Variants in NELL1 observed in about 807,000 individuals in gnomAD.
NELL1 encodes the protein protein kinase C-binding protein NELL1.
Under a neutral mutation model 107.4 loss-of-function variants are expected in NELL1, and 76 were observed. That is an observed-to-expected ratio of 0.71 (90% CI 0.59 to 0.86). The LOEUF (loss-of-function observed/expected upper bound fraction) is 0.86, where lower values mean the gene tolerates loss of function less well. Among genes scored for constraint, NELL1 ranks in the 40% least tolerant of loss-of-function variants. NELL1 has a pLI of 0.00. For missense variants in NELL1, 1,024 were observed against 1,005.5 expected, an observed-to-expected ratio of 1.02 and a Z score of -0.25; for synonymous variants, 353 against 341.2, an observed-to-expected ratio of 1.03 and a Z score of -0.38.
Position 20,688,894 on chromosome 11 carries a change from C to T in NELL1, c.184+10834C>T, listed in dbSNP as rs371386399. 4.1e-4 allele frequency among the ~76,000 whole-genome samples: 63 copies of T among 152,170 alleles called. 1 individual carries two copies. The highest frequency in any genetic ancestry group is 7.8e-4 in the Non-Finnish European group (53 of 67,994). On this transcript the variant is annotated intron_variant, in intron 2 of 19. Transcript: ENST00000357134. ...GTGTTTCCTTTTCTCTGCAGCCTCA[C>T]GAACATCTGGTGTATTTTGACTCTT...
intron 13 of NELL1, among the ~76,000 whole-genome samples, chr11:21,213,035 A>G (rs1857535025): frequency 6.6e-6 from 1 of 152,208 alleles, no homozygotes; most frequent in Non-Finnish European, 1.5e-5. Context: ...CAATACAGAA[A>G]ATTAATTTTA....
intron 15 of NELL1, among the ~76,000 whole-genome samples, chr11:21,515,541 T>C (rs1054449315): frequency 8.5e-5 from 13 of 152,180 alleles, no homozygotes; most frequent in Non-Finnish European, 1.2e-4. Flanking sequence ...CCATCTGGAC[T>C]TCTCCACTTT....
At chr11:20,683,088 T>C (rs1854228125) in intron 2 of NELL1, among the ~76,000 whole-genome samples, 1 of 152,070 alleles carries the variant, frequency 6.6e-6, no homozygotes, top group Admixed American at 6.6e-5. Flanking sequence ...GTTCCATGTA[T>C]TCTTTGTTCC....
At chr11:21,058,754 C>G (rs1406023050) in intron 12 of NELL1, among the ~76,000 whole-genome samples, 1 of 152,128 alleles carries the variant, frequency 6.6e-6, no homozygotes, top group Non-Finnish European at 1.5e-5. Context: ...AGGGCTTTAG[C>G]ACTCTAGAAT....
Position 21,397,856 on chromosome 11 carries a change from G to A in NELL1, c.1645+26908G>A, listed in dbSNP as rs186117613. 3.3e-5 allele frequency among the ~76,000 whole-genome samples: 5 copies of A among 151,398 alleles called. No homozygotes were observed. The East Asian group carries it at 7.9e-4, about 24-fold the overall frequency. ...ACTGCCCTTATATTAGAGGCCCAAGGGAGACTTCTTTTCCTTCCACCATGT... is the reference window on the plus strand; with the variant it reads ...ACTGCCCTTATATTAGAGGCCCAAGAGAGACTTCTTTTCCTTCCACCATGT... On this transcript the variant is annotated intron_variant, in intron 15 of 19. Transcript: ENST00000357134.
chr11:21,036,627 T>C (rs1037698507), intron 12 of NELL1, among the ~76,000 whole-genome samples: 2 of 152,126 alleles, frequency 1.3e-5, no homozygotes, highest in African/African-American at 4.8e-5. Context: ...ACTTTCCATT[T>C]TCCTCTGCTG....
chr11:21,409,728 C>T lies in NELL1; in HGVS notation c.1645+38780C>T, dbSNP rs1852328999. ...TTATAAGGCTATTACATTGACATCACATTTATTCCCCATATAAACTGGTCA... is the reference window on the plus strand; with the variant it reads ...TTATAAGGCTATTACATTGACATCATATTTATTCCCCATATAAACTGGTCA... On this transcript the variant is annotated intron_variant, in intron 15 of 19. Coordinates refer to ENST00000357134, the MANE Select transcript of NELL1 (RefSeq NM_006157.5). Among the ~76,000 whole-genome samples the T allele has an allele frequency of 5.3e-5, 8 of 152,040 alleles. No homozygotes were observed. In the South Asian group the frequency reaches 1.7e-3, roughly 32 times the overall value.
intron 15 of NELL1, among the ~76,000 whole-genome samples, chr11:21,466,343 C>T (rs1854030414): frequency 6.6e-6 from 1 of 152,066 alleles, no homozygotes; most frequent in African/African-American, 2.4e-5. Context: ...GAGTGGGCAT[C>T]AGTCAGGACA....
intron 15 of NELL1, among the ~76,000 whole-genome samples, chr11:21,464,571 AAT>A (rs2133876794): frequency 6.6e-6 from 1 of 152,200 alleles, no homozygotes; most frequent in Non-Finnish European, 1.5e-5. Flanking sequence ...ATGAGGAAAA[AAT>A]AGTTTTTTTG....
At chr11:20,730,797 T>C (rs2133921323) in intron 2 of NELL1, among the ~76,000 whole-genome samples, 1 of 152,308 alleles carries the variant, frequency 6.6e-6, no homozygotes, top group South Asian at 2.1e-4. Context: ...AAGACAAAGA[T>C]GATGGCAGGC....
chr11:21,158,141 T>G (rs1318961079), intron 13 of NELL1, among the ~76,000 whole-genome samples: 1 of 152,180 alleles, frequency 6.6e-6, no homozygotes, highest in Non-Finnish European at 1.5e-5. Flanking sequence ...CCCTTGAACA[T>G]CAGACTTCTA....
intron 2 of NELL1, among the ~76,000 whole-genome samples, chr11:20,712,107 T>A (rs1434277765): frequency 6.6e-6 from 1 of 152,198 alleles, no homozygotes; most frequent in Non-Finnish European, 1.5e-5. Context: ...TTTGGTCATA[T>A]AACATATTCC....
Position 20,910,795 on chromosome 11 carries a change from T to C in NELL1, c.604-7387T>C, listed in dbSNP as rs539330361. ...TACATAACTGGCAGACAATATACTG[T>C]TAATGAATGAATGTACCAGTTATGA... On this transcript the variant is annotated intron_variant, in intron 5 of 19. Coordinates refer to ENST00000357134, the MANE Select transcript of NELL1 (RefSeq NM_006157.5). 3.3e-5 allele frequency among the ~76,000 whole-genome samples: 5 copies of C among 152,350 alleles called. No individual in the cohort carries two copies. In the South Asian group the frequency reaches 1.0e-3, roughly 32 times the overall value.
chr11:20,919,118 C>A, intron 6 of NELL1, 134 bp from the exon 7 acceptor site: 1 of 443,804 alleles, frequency 2.3e-6, no homozygotes. Flanking sequence ...TGTGATTTCA[C>A]TCAAATTTCA....
intron 15 of NELL1, among the ~76,000 whole-genome samples, chr11:21,388,018 TA>T (rs1422495948): frequency 6.6e-6 from 1 of 151,726 alleles, no homozygotes; most frequent in African/African-American, 2.4e-5. Flanking sequence ...CTTATGTTTG[TA>T]AAGCTAAGAA....
intron 13 of NELL1, among the ~76,000 whole-genome samples, chr11:21,206,348 T>G (rs2133854689): frequency 6.6e-6 from 1 of 152,234 alleles, no homozygotes; most frequent in East Asian, 1.9e-4. Context: ...AAGACACCAG[T>G]CATTGGATTT....
chr11:21,424,690 A>G (rs922723318), intron 15 of NELL1, among the ~76,000 whole-genome samples: 2 of 152,172 alleles, frequency 1.3e-5, no homozygotes. Flanking sequence ...TAATTTGGTA[A>G]TGAGGACAAA....
intron 14 of NELL1, among the ~76,000 whole-genome samples, chr11:21,287,322 A>G (rs1849146798): frequency 6.6e-6 from 1 of 152,012 alleles, no homozygotes; most frequent in Non-Finnish European, 1.5e-5. Context: ...TTCCTAACTG[A>G]TGTCTTGCCT....
chr11:21,474,502 GA>G (rs1854271866), intron 15 of NELL1, among the ~76,000 whole-genome samples: 1 of 151,954 alleles, frequency 6.6e-6, no homozygotes, highest in Non-Finnish European at 1.5e-5. Flanking sequence ...TAAAATAGAG[GA>G]AAATATTGTT....
Sources: allele counts gnomAD v4.1 joint callset (sites outside exome capture counted in the v4.1 genomes callset), GRCh38; gene constraint gnomAD v4.1.1; transcripts MANE v1.5; gene names NCBI Gene and HGNC (gene_info 2026-07-23, HGNC 2026-07-21).